YY1AP1: variants seen among roughly 807,000 people sequenced by gnomAD.
The protein encoded by YY1AP1 is YY1-associated protein 1.
Under a neutral mutation model 39.9 loss-of-function variants are expected in YY1AP1, and 43 were observed. That is an observed-to-expected ratio of 1.08 (90% CI 0.84 to 1.39). The LOEUF (loss-of-function observed/expected upper bound fraction) is 1.39, where lower values mean the gene tolerates loss of function less well. YY1AP1 is among the 40% of genes most tolerant of loss of function. YY1AP1 has a pLI of 0.00. For missense variants in YY1AP1, 813 were observed against 900.7 expected (o/e 0.90, Z 1.25); for synonymous variants, 292 against 331.3 (o/e 0.88, Z 1.29).
intron 2 of YY1AP1, among the ~76,000 whole-genome samples, chr1:155,683,222 G>T (rs963176391): frequency 6.6e-6 from 1 of 152,228 alleles, no homozygotes. Context: ...AATAAGTCCT[G>T]AGATAGAGGA....
Position 155,672,555 on chromosome 1 carries a change from C to G in YY1AP1, c.583+5G>C, listed in dbSNP as rs375430968. On this transcript the variant is annotated splice_donor_5th_base_variant and intron_variant, in intron 7 of 10. Coordinates refer to ENST00000355499, the MANE Select transcript of YY1AP1 (RefSeq NM_139119.3). The stretch of plus-strand genomic sequence containing the variant: ...AAACTTAAAGCTGACACATCTGTCT[C>G]CTACCAGTCTTCTTGACAGTTTTAT... The G allele has an allele frequency of 3.0e-5, 49 of 1,607,478 alleles. No homozygotes were observed. Among genetic ancestry groups the G allele is most frequent in the Non-Finnish European group, 4.1e-5 (48 of 1,175,054 alleles).
In YY1AP1 at chr1:155,661,404, T is replaced by C. The variant is rs531351294; in HGVS notation, c.899A>G (p.Gln300Arg). Residue 300 changes from glutamine (Q) to arginine (R), a missense_variant, in exon 10 of 11, where the codon CAG becomes CGG. Around this residue, in one of 3 missense-constraint regions of YY1AP1, gnomAD observed 586 missense variants for 647.4 expected, o/e 0.91. Transcript: ENST00000355499. ...NIIKFYKKTK[Q>R]LPVLGKCCEE... ...ACAGCATTTTCCTAGGACTGGCAGCTGTTTGGTCTTCTTATAAAACTTAAC... is the reference window on the plus strand; with the variant it reads ...ACAGCATTTTCCTAGGACTGGCAGCCGTTTGGTCTTCTTATAAAACTTAAC... 12 of 1,613,908 alleles carry C rather than the reference T, an allele frequency of 7.4e-6. 1 individual carries two copies. The South Asian group carries it at 1.3e-4, about 18-fold the overall frequency.
In YY1AP1 at chr1:155,676,635, C is replaced by T. The variant is rs1650736038; in HGVS notation, c.237G>A (p.Glu79=). The T allele has an allele frequency of 1.2e-6, 2 of 1,614,194 alleles. No individual in the cohort carries two copies. The highest frequency in any genetic ancestry group is 1.7e-6 in the Non-Finnish European group (2 of 1,180,040). The change falls in exon 5 of 11, where the codon GAG becomes GAA. Residue 79 remains glutamate, a synonymous_variant. Coordinates refer to ENST00000355499, the MANE Select transcript of YY1AP1 (RefSeq NM_139119.3). ...CTTCCTTACACTGGGGTTTAACCTTCTCTACCTCCTTCTGCTGTTTGGCTG... is the reference window on the plus strand; with the variant it reads ...CTTCCTTACACTGGGGTTTAACCTTTTCTACCTCCTTCTGCTGTTTGGCTG... ...KPSAKQQKEV[E]KVKPQCKEVH... is the part of the protein sequence containing the mutation.
chr1:155,667,498 TAA>T (rs74589200), intron 9 of YY1AP1, among the ~76,000 whole-genome samples: 12 of 128,408 alleles, frequency 9.3e-5, no homozygotes, highest in Non-Finnish European at 8.4e-5. Flanking sequence ...AACCTGTCTC[TAA>T]AAAAAAAAAA....
intron 1 of YY1AP1, 40 bp from the exon 2 acceptor site, chr1:155,688,241 G>A (rs558505177): frequency 4.3e-6 from 7 of 1,610,934 alleles, no homozygotes; most frequent in African/African-American, 2.7e-5. Context: ...AAGGTGGAGG[G>A]CTAAAGGGGC....
chr1:155,688,366 A>C (rs1652967800), intron 1 of YY1AP1, 165 bp from the exon 2 acceptor site: 1 of 1,547,038 alleles, frequency 6.5e-7, no homozygotes, highest in Admixed American at 2.0e-5. Flanking sequence ...GCTCCTCCAG[A>C]GGGAGGGAGC....
intron 4 of YY1AP1, among the ~76,000 whole-genome samples, chr1:155,678,298 A>G (rs1485451297): frequency 3.3e-5 from 5 of 152,208 alleles, no homozygotes; most frequent in Admixed American, 6.5e-5. Context: ...TCGTTTAATG[A>G]TAGATTTCAC....
At chr1:155,684,049 A>C (rs1042323467) in intron 2 of YY1AP1, among the ~76,000 whole-genome samples, 3 of 152,226 alleles carry the variant, frequency 2.0e-5, no homozygotes, top group African/African-American at 7.2e-5. Context: ...GGAGTTCGTG[A>C]CCAGCCTGGC....
intron 6 of YY1AP1, 51 bp downstream of exon 6, chr1:155,674,959 A>G (rs1650424493): frequency 1.3e-6 from 2 of 1,513,026 alleles, no homozygotes; most frequent in African/African-American, 1.4e-5. Flanking sequence ...ATAACCTGCC[A>G]AGCTAATTTT....
intron 3 of YY1AP1, 82 bp downstream of exon 3, chr1:155,680,334 G>T: frequency 6.7e-7 from 1 of 1,488,076 alleles, no homozygotes; most frequent in South Asian, 1.1e-5. Context: ...CTTCTAGAAG[G>T]AGCATCACAG....
chr1:155,676,138 C>T (rs1416464692), intron 5 of YY1AP1, among the ~76,000 whole-genome samples: 1 of 151,854 alleles, frequency 6.6e-6, no homozygotes, highest in South Asian at 2.1e-4. Context: ...AGGAGAATGG[C>T]GTGAACCCGG....
Position 155,663,538 on chromosome 1 carries a change from G to A in YY1AP1, c.880-2115C>T, listed in dbSNP as rs1192777765. ...GTTTGAGACCAGCCTGACCAACAAGGTGAAACCCCGTCTCTACTAAAAATA... is the reference window on the plus strand; with the variant it reads ...GTTTGAGACCAGCCTGACCAACAAGATGAAACCCCGTCTCTACTAAAAATA... On this transcript the variant is annotated intron_variant, in intron 9 of 10. Transcript: ENST00000355499. 2.0e-5 allele frequency among the ~76,000 whole-genome samples: 3 copies of A among 151,576 alleles called. No individual in the cohort carries two copies. The East Asian group carries it at 5.9e-4, about 30-fold the overall frequency.
Position 155,670,171 on chromosome 1 carries a change from G to C in YY1AP1, c.728+149C>G, listed in dbSNP as rs534430998. ...CAAAAAGCAGTATTTGGCACTGCTA[G>C]AACAAGCACGTTCTAGAGGACTCTG... On this transcript the variant is annotated intron_variant, in intron 8 of 10. Coordinates refer to ENST00000355499, the MANE Select transcript of YY1AP1 (RefSeq NM_139119.3). The C allele has an allele frequency of 7.9e-4, 850 of 1,071,044 alleles. 9 individuals carry two copies. The South Asian group carries it at 0.012, about 15-fold the overall frequency. The allele number at this position is 1,071,044 out of a possible 1,614,324, so 66.3% of individuals were successfully genotyped here. A position where few individuals can be genotyped will look rare whatever the true frequency, so the allele number is the denominator to read the frequency against.
intron 10 of YY1AP1, 85 bp downstream of exon 10, chr1:155,661,222 T>TA (rs1484971393): frequency 6.2e-7 from 1 of 1,613,712 alleles, no homozygotes; most frequent in Non-Finnish European, 8.5e-7. Flanking sequence ...ACTAAAGCAT[T>TA]AGACGATTAA....
chr1:155,688,713 CT>C lies in YY1AP1; in HGVS notation c.-207del. On this transcript the variant is annotated 5_prime_UTR_variant, in exon 1 of 11. Transcript: ENST00000355499. ...ACCTCCTCTTCTCTCCTCCCCCTCC[CT>C]CCCCGCCCGCACGGCCACCAACCGC... The C allele has an allele frequency of 1.3e-6, 2 of 1,520,910 alleles. No homozygotes were observed. 94.2% of individuals were successfully genotyped at this position (1,520,910 alleles called of 1,614,324 possible). A position where few individuals can be genotyped will look rare whatever the true frequency, so the allele number is the denominator to read the frequency against.
intron 9 of YY1AP1, among the ~76,000 whole-genome samples, chr1:155,665,677 C>A (rs895395701): frequency 6.7e-6 from 1 of 149,128 alleles, no homozygotes; most frequent in Non-Finnish European, 1.5e-5. Flanking sequence ...CTCTGGGAGG[C>A]TGAGGTGGGT....
intron 2 of YY1AP1, among the ~76,000 whole-genome samples, chr1:155,681,046 T>C (rs893017941): frequency 1.3e-5 from 2 of 151,932 alleles, no homozygotes; most frequent in African/African-American, 4.8e-5. Context: ...TTTTTTTTTT[T>C]TGAGACGGAG....
chr1:155,679,615 T>A (rs1196086773), intron 3 of YY1AP1, 103 bp from the exon 4 acceptor site: 1 of 1,577,342 alleles, frequency 6.3e-7, no homozygotes, highest in African/African-American at 1.4e-5. Context: ...ACTTTAATAA[T>A]GCTGGCACCC....
chr1:155,679,803 A>G, intron 3 of YY1AP1: 1 of 1,250,644 alleles, frequency 8.0e-7, no homozygotes, highest in South Asian at 1.7e-5. Context: ...AGACAAATTT[A>G]TGGAAAAGGT....
Sources: allele counts gnomAD v4.1 joint callset (sites outside exome capture counted in the v4.1 genomes callset), GRCh38; gene constraint gnomAD v4.1.1; regional missense constraint gnomAD v4.1.1; transcripts MANE v1.5; gene names NCBI Gene and HGNC (gene_info 2026-07-23, HGNC 2026-07-21).